CFAP47: variants seen among roughly 807,000 people sequenced by gnomAD.
CFAP47 encodes the protein cilia and flagella associated protein 47, also known as cilia- and flagella-associated protein 47.
CFAP47 carries 29 observed loss-of-function variants against 148.1 expected under a neutral mutation model. That is an observed-to-expected ratio of 0.20 (90% CI 0.15 to 0.27). CFAP47 has a LOEUF of 0.27. CFAP47 is among the 10% of genes least tolerant of loss of function. The pLI is 1.00. For synonymous variants in CFAP47, 664 were observed against 577.3 expected, an observed-to-expected ratio of 1.15 and a Z score of -2.15; for missense variants, 1,872 against 1,697.5, an observed-to-expected ratio of 1.10 and a Z score of -1.81.
At chrX:36,165,417 A>G (rs1939478223) in intron 39 of CFAP47, among the ~76,000 whole-genome samples, 1 of 111,381 alleles carries the variant, frequency 9.0e-6, no homozygotes, top group South Asian at 3.7e-4. Flanking sequence ...AGAGTTTACC[A>G]TAGACATTTT....
chrX:36,351,779 C>T (rs1556017546), intron 59 of CFAP47, among the ~76,000 whole-genome samples: 1 of 111,381 alleles, frequency 9.0e-6, no homozygotes, highest in East Asian at 2.8e-4. Flanking sequence ...AAATCATTTT[C>T]CCCAAAATCT....
chrX:36,310,985 G>T lies in CFAP47; in HGVS notation c.8340G>T (p.Leu2780=). Residue 2780 remains leucine, a synonymous_variant, in exon 56 of 64, where the codon CTG becomes CTT. Transcript: ENST00000378653. ...TMEDVLIDII[L]TSVEHPRNLV... ...AAGATGTCCTCATTGATATAATACT[G>T]ACAAGTAAGTTGTTTTTCTTATATT... 9.5e-7 allele frequency: 1 copy of T among 1,054,193 alleles called. No individual in the cohort carries two copies. The highest frequency in any genetic ancestry group is 2.6e-5 in the South Asian group (1 of 37,876). The allele number at this position is 1,054,193 out of a possible 1,213,427, so 86.9% of individuals were successfully genotyped here.
At chrX:36,324,555 C>G (rs1052311253) in intron 57 of CFAP47, among the ~76,000 whole-genome samples, 2 of 111,258 alleles carry the variant, frequency 1.8e-5, no homozygotes, top group African/African-American at 3.3e-5. Context: ...TGTAAGAACC[C>G]TATTTTGGAC....
chrX:36,235,702 C>T (rs917888742), intron 46 of CFAP47, among the ~76,000 whole-genome samples: 1 of 112,533 alleles, frequency 8.9e-6, no homozygotes, highest in Non-Finnish European at 1.9e-5. Context: ...AATCACCCGT[C>T]TTCTGCATCG....
chrX:35,987,340 T>C (rs764014933), intron 15 of CFAP47, among the ~76,000 whole-genome samples: 2 of 111,731 alleles, frequency 1.8e-5, no homozygotes, highest in East Asian at 2.8e-4. Context: ...GCAGTCCAGC[T>C]ACAGCAGCTT....
intron 2 of CFAP47, among the ~76,000 whole-genome samples, chrX:35,938,751 G>A (rs1277549224): frequency 9.0e-6 from 1 of 111,728 alleles, no homozygotes; most frequent in African/African-American, 3.3e-5. Flanking sequence ...ACTCCGTAAA[G>A]TTATAGGGTA....
At chrX:36,140,101 G>A (rs924310479) in intron 35 of CFAP47, among the ~76,000 whole-genome samples, 1 of 111,514 alleles carries the variant, frequency 9.0e-6, no homozygotes, top group Non-Finnish European at 1.9e-5. Flanking sequence ...TCCTTCAGGG[G>A]TGCAGATGTG....
intron 62 of CFAP47, among the ~76,000 whole-genome samples, chrX:36,371,560 T>G: frequency 9.8e-6 from 1 of 101,899 alleles, no homozygotes; most frequent in Middle Eastern, 5.4e-3. Flanking sequence ...TATATATATG[T>G]GTATATATAT....
intron 48 of CFAP47, among the ~76,000 whole-genome samples, chrX:36,243,647 G>GTATA (rs58640112): frequency 0.022 from 1,405 of 63,984 alleles, 27 homozygotes; most frequent in Middle Eastern, 0.036. Context: ...ATATGTGTGT[G>GTATA]TATATATATA....
At chrX:36,246,696 G>A (rs1193457557) in intron 48 of CFAP47, among the ~76,000 whole-genome samples, 1 of 111,442 alleles carries the variant, frequency 9.0e-6, no homozygotes, top group African/African-American at 3.3e-5. Flanking sequence ...TTGAAGATGA[G>A]ATTTTGGGTG....
At chrX:35,979,103 C>A (rs1290985092) in intron 15 of CFAP47, among the ~76,000 whole-genome samples, 1 of 111,168 alleles carries the variant, frequency 9.0e-6, no homozygotes, top group East Asian at 2.8e-4. Context: ...TCAATCCTCC[C>A]GAGTAGCTGG....
At chrX:36,311,071 G>A in intron 56 of CFAP47, 82 bp downstream of exon 56, 1 of 534,500 alleles carries the variant, frequency 1.9e-6, no homozygotes, top group Non-Finnish European at 2.8e-6. Context: ...AAACATTTTA[G>A]AACAAATGAA....
chrX:36,326,223 T>A (rs1238093399), intron 57 of CFAP47, among the ~76,000 whole-genome samples: 1 of 111,212 alleles, frequency 9.0e-6, no homozygotes, highest in Middle Eastern at 4.2e-3. Flanking sequence ...TTCAAACTTT[T>A]TCTCTTGTTC....
In CFAP47 at chrX:36,200,929, T is replaced by G. The variant is rs782568050; in HGVS notation, c.6437-345T>G. Among the ~76,000 whole-genome samples the G allele has an allele frequency of 1.9e-4, 21 of 111,195 alleles. No individual in the cohort carries two copies. The South Asian group carries it at 8.0e-3, about 42-fold the overall frequency. ...GCAAATGACAGTTCTTGGGAGTTTT[T>G]GACAGGTGTCTTTTTTTTTTCCACA... On this transcript the variant is annotated intron_variant, in intron 43 of 63. Transcript: ENST00000378653.
At chrX:36,173,597 T>C (rs1195142770) in intron 39 of CFAP47, among the ~76,000 whole-genome samples, 1 of 111,875 alleles carries the variant, frequency 8.9e-6, no homozygotes, top group Admixed American at 9.5e-5. Flanking sequence ...AGTTTCCATG[T>C]AGTTGAGCGG....
rs1316300784 is a variant in CFAP47 at position 36,162,487 on chromosome X, CTT to C, written c.6026+1719_6026+1720del. ...AAGAGACCCAGTTTTTAATATTACACTTAATAAATGATTGACTTGGTTATTAT... is the reference window on the plus strand; with the variant it reads ...AAGAGACCCAGTTTTTAATATTACACAATAAATGATTGACTTGGTTATTAT... On this transcript the variant is annotated intron_variant, in intron 39 of 63. Transcript: ENST00000378653. 1.7e-4 allele frequency among the ~76,000 whole-genome samples: 19 copies of C among 111,566 alleles called. No individual in the cohort carries two copies. In the Admixed American group the frequency reaches 1.8e-3, roughly 11 times the overall value.
intron 49 of CFAP47, among the ~76,000 whole-genome samples, chrX:36,257,091 G>A (rs182812690): frequency 8.9e-6 from 1 of 112,060 alleles, no homozygotes; most frequent in Admixed American, 9.5e-5. Context: ...TATCTCTTGT[G>A]AACTTCTACA....
chrX:36,073,780 T>A (rs2063820400), intron 29 of CFAP47, among the ~76,000 whole-genome samples: 1 of 111,720 alleles, frequency 9.0e-6, no homozygotes, highest in Non-Finnish European at 1.9e-5. Context: ...TCTTTTACAG[T>A]GCATTTACTT....
intron 29 of CFAP47, among the ~76,000 whole-genome samples, chrX:36,080,909 C>A (rs1937967116): frequency 9.0e-6 from 1 of 111,387 alleles, no homozygotes; most frequent in South Asian, 3.7e-4. Context: ...TGCACATGCA[C>A]CCTAGAACTT....
Sources: gnomAD v4.1 joint callset for allele counts (sites outside exome capture counted in the v4.1 genomes callset) on GRCh38, gnomAD v4.1.1 for gene constraint, MANE v1.5 for transcripts, NCBI Gene and HGNC (gene_info 2026-07-23, HGNC 2026-07-21) for gene names.